RB1: variants seen among roughly 807,000 people sequenced by gnomAD.
RB1 encodes RB transcriptional corepressor 1.
In RB1, 18 loss-of-function variants were observed where a neutral mutation model predicts 135.4. The ratio of observed to expected loss-of-function variants is 0.13; its 90% CI spans 0.09 to 0.20. The LOEUF is 0.20. RB1 is among the 10% of genes least tolerant of loss of function. The probability of loss-of-function intolerance (pLI) is 1.00; values close to 1 mark genes in which losing one functional copy is unlikely to be tolerated. For missense variants in RB1, 868 were observed against 1,110.0 expected, an observed-to-expected ratio of 0.78 and a Z score of 3.10; for synonymous variants, 365 against 373.2, an observed-to-expected ratio of 0.98 and a Z score of 0.25.
chr13:48,304,189 C>T, intron 1 of RB1, 140 bp downstream of exon 1: 2 of 969,424 alleles, frequency 2.1e-6, no homozygotes, highest in African/African-American at 1.7e-5. Context: ...CCCTGCCCCC[C>T]GCCACGGCGG....
intron 2 of RB1, among the ~76,000 whole-genome samples, chr13:48,333,612 C>G (rs1360770775): frequency 6.6e-6 from 1 of 151,784 alleles, no homozygotes; most frequent in Non-Finnish European, 1.5e-5. Flanking sequence ...CTTATTGATA[C>G]TTACCAGTTT....
intron 13 of RB1, among the ~76,000 whole-genome samples, chr13:48,378,534 C>T (rs1344468792): frequency 6.6e-6 from 1 of 151,702 alleles, no homozygotes; most frequent in African/African-American, 2.4e-5. Context: ...ATGCTATCTT[C>T]TGGAATATCT....
Position 48,480,069 on chromosome 13 carries a change from T to G in RB1, c.2785T>G (p.Ter929GlyextTer21), listed in dbSNP as rs1185752129. The stretch of plus-strand genomic sequence containing the variant: ...GGATACCTCAAACAAGGAAGAGAAA[T>G]GAGGATCTCAGGACCTTGGTGGACA... ...SMDTSNKEEK* is the reference protein window; with the variant it reads ...SMDTSNKEEKG Residue 929 changes from the stop codon to glycine (G), a stop_lost, in exon 27 of 27, where the codon TGA becomes GGA. Transcript: ENST00000267163. The G allele has an allele frequency of 6.2e-7, 1 of 1,611,372 alleles. No individual in the cohort carries two copies. Among genetic ancestry groups the G allele is most frequent in the South Asian group, 1.1e-5 (1 of 90,916 alleles).
At chr13:48,479,920 G>A (rs1172720375) in intron 26 of RB1, 78 bp from the exon 27 acceptor site, 2 of 1,131,208 alleles carry the variant, frequency 1.8e-6, no homozygotes, top group East Asian at 2.5e-5. Context: ...TTTGACATGA[G>A]CATAATATAT....
intron 17 of RB1, among the ~76,000 whole-genome samples, chr13:48,391,983 A>G (rs1409346932): frequency 6.6e-6 from 1 of 152,172 alleles, no homozygotes; most frequent in African/African-American, 2.4e-5. Flanking sequence ...TTATGTCTGG[A>G]AAAAAACATT....
intron 17 of RB1, among the ~76,000 whole-genome samples, chr13:48,405,369 C>T (rs183903173): frequency 1.8e-3 from 276 of 152,170 alleles, no homozygotes; most frequent in African/African-American, 5.9e-3. Flanking sequence ...CTTTTTTCCT[C>T]GGGCTTTTGA....
At chr13:48,318,804 G>A in intron 2 of RB1, 1 of 859,480 alleles carries the variant, frequency 1.2e-6, no homozygotes. Context: ...TGGGCCCTGG[G>A]CAGCCTGCGA....
At chr13:48,477,518 CATTTAAAATATA>C in intron 26 of RB1, 114 bp downstream of exon 26, 1 of 821,964 alleles carries the variant, frequency 1.2e-6, no homozygotes, top group Non-Finnish European at 2.0e-6. Flanking sequence ...TTTGTTTATG[CATTTAAAATATA>C]ATTCAATCAA....
At position 48,481,351 on chromosome 13, in the gene RB1, C is replaced by T. The variant is rs1336462447; in HGVS notation, c.*1280C>T. ...CATTAGAAAAAGAGGCGCTTCTCCC[C>T]TCCCCTACACCTAAAGGTGTATTTA... On this transcript the variant is annotated 3_prime_UTR_variant, in exon 27 of 27. Coordinates refer to ENST00000267163, the MANE Select transcript of RB1 (RefSeq NM_000321.3). The T allele has an allele frequency of 4.3e-6, 1 of 231,780 alleles. No homozygotes were observed. Among genetic ancestry groups the T allele is most frequent in the Non-Finnish European group, 8.5e-6 (1 of 117,270 alleles). The allele number at this position is 231,780 out of a possible 1,614,324, so 14.4% of individuals were successfully genotyped here. A position where few individuals can be genotyped will look rare whatever the true frequency, so the allele number is the denominator to read the frequency against.
chr13:48,344,292 G>A (rs190276322), intron 3 of RB1, among the ~76,000 whole-genome samples: 5 of 152,230 alleles, frequency 3.3e-5, no homozygotes, highest in Admixed American at 2.6e-4. Flanking sequence ...CATTGGTGGG[G>A]CAAATAAAGT....
chr13:48,332,669 G>A (rs1485116572), intron 2 of RB1, among the ~76,000 whole-genome samples: 1 of 152,136 alleles, frequency 6.6e-6, no homozygotes, highest in Non-Finnish European at 1.5e-5. Context: ...TTGTATTCTT[G>A]AAATTCACTA....
chr13:48,464,957 A>ATTTTTTT, intron 21 of RB1, 41 bp from the exon 22 acceptor site: 4 of 1,136,264 alleles, frequency 3.5e-6, no homozygotes, highest in East Asian at 6.1e-5. Context: ...AGTAAATTTT[A>ATTTTTTT]CTTTTTTTTT....
chr13:48,354,682 A>G (rs1952575246), intron 6 of RB1, among the ~76,000 whole-genome samples: 1 of 152,138 alleles, frequency 6.6e-6, no homozygotes, highest in South Asian at 2.1e-4. Context: ...CTACAGAGCT[A>G]TAGTAACCAA....
chr13:48,432,893 A>G (rs529547906), intron 17 of RB1, among the ~76,000 whole-genome samples: 1 of 152,202 alleles, frequency 6.6e-6, no homozygotes, highest in Non-Finnish European at 1.5e-5. Context: ...ACTCTAATAA[A>G]TCTGCTGTTT....
At chr13:48,411,838 G>C (rs748588688) in intron 17 of RB1, 2 of 1,612,832 alleles carry the variant, frequency 1.2e-6, no homozygotes, top group Admixed American at 3.3e-5. Flanking sequence ...AAAATTAGAG[G>C]AATAAAAAAT....
intron 19 of RB1, among the ~76,000 whole-genome samples, chr13:48,456,642 A>T (rs1289951163): frequency 6.6e-6 from 1 of 152,178 alleles, no homozygotes; most frequent in Non-Finnish European, 1.5e-5. Context: ...CTCGGCTCAC[A>T]CTACCGGCCT....
intron 1 of RB1, 121 bp from the exon 2 acceptor site, chr13:48,307,159 A>G (rs1952087460): frequency 1.4e-6 from 1 of 736,504 alleles, no homozygotes; most frequent in East Asian, 2.8e-5. Context: ...ATAAGATCTT[A>G]AAGTATTTAA....
intron 1 of RB1, among the ~76,000 whole-genome samples, chr13:48,306,004 G>C (rs770140310): frequency 2.0e-5 from 3 of 152,316 alleles, no homozygotes; most frequent in Middle Eastern, 3.4e-3. Flanking sequence ...GTGTGATGGC[G>C]CGTACCTGTA....
intron 2 of RB1, among the ~76,000 whole-genome samples, chr13:48,314,756 G>A (rs1189975130): frequency 2.7e-5 from 4 of 150,348 alleles, no homozygotes; most frequent in Non-Finnish European, 5.9e-5. Context: ...AGCCGAAGTC[G>A]TGCCACTGCA....
Sources: gnomAD v4.1 joint callset for allele counts (sites outside exome capture counted in the v4.1 genomes callset) on GRCh38, gnomAD v4.1.1 for gene constraint, MANE v1.5 for transcripts, NCBI Gene and HGNC (gene_info 2026-07-23, HGNC 2026-07-21) for gene names.